The following NBAS variants were observed in gnomAD, a reference collection of about 807,000 sequenced individuals.
The protein encoded by NBAS is NAG/BC035112 fusion.
NBAS carries 219 observed loss-of-function variants against 302.5 expected under a neutral mutation model. The ratio of observed to expected loss-of-function variants is 0.72; its 90% CI spans 0.65 to 0.81. The LOEUF (loss-of-function observed/expected upper bound fraction) is 0.81, where lower values mean the gene tolerates loss of function less well. Ranked by LOEUF, NBAS falls within the 30% of genes least tolerant of loss-of-function variation. NBAS has a pLI of 0.00. For synonymous variants in NBAS, 1,118 were observed against 1,021.6 expected (o/e 1.09, Z -1.80); for missense variants, 2,932 against 2,841.6 (o/e 1.03, Z -0.72).
At chr2:14,831,211 AAAC>A in the NBAS span, among the ~76,000 whole-genome samples, 1 of 152,222 alleles carries the variant, frequency 6.6e-6, no homozygotes, top group African/African-American at 2.4e-5. Context: ...ATTGCATTTC[AAAC>A]ATCATGCCTT....
chr2:14,957,658 C>G, the NBAS span, among the ~76,000 whole-genome samples: 2 of 152,146 alleles, frequency 1.3e-5, no homozygotes, highest in African/African-American at 4.8e-5. Flanking sequence ...GCCAGGTGGC[C>G]TCCTCCTTGG....
chr2:15,024,542 C>T, the NBAS span, among the ~76,000 whole-genome samples: 1 of 152,154 alleles, frequency 6.6e-6, no homozygotes, highest in Non-Finnish European at 1.5e-5. Flanking sequence ...GGAATGGCCA[C>T]ATTGCTTTCC....
At chr2:15,066,618 AATC>A in the NBAS span, among the ~76,000 whole-genome samples, 1 of 152,196 alleles carries the variant, frequency 6.6e-6, no homozygotes, top group Non-Finnish European at 1.5e-5. Flanking sequence ...CGACATCACT[AATC>A]ATCAGGGAAA....
chr2:15,164,438 A>C (rs1663967520), downstream of NBAS, among the ~76,000 whole-genome samples: 1 of 152,230 alleles, frequency 6.6e-6, no homozygotes, highest in Non-Finnish European at 1.5e-5. Flanking sequence ...TTAGTAACTT[A>C]AGCATTATTA....
At chr2:15,262,941 G>A (rs1668916293) in intron 44 of NBAS, among the ~76,000 whole-genome samples, 1 of 152,158 alleles carries the variant, frequency 6.6e-6, no homozygotes, top group Admixed American at 6.5e-5. Flanking sequence ...GGCACATTCA[G>A]GAAAATACAG....
chr2:15,531,775 C>T (rs1663227097), intron 9 of NBAS, among the ~76,000 whole-genome samples: 2 of 152,266 alleles, frequency 1.3e-5, no homozygotes, highest in South Asian at 2.1e-4. Flanking sequence ...ATACTCTTCC[C>T]CCAGATACCT....
chr2:15,361,331 G>A (rs1372411711), intron 32 of NBAS, among the ~76,000 whole-genome samples: 1 of 152,088 alleles, frequency 6.6e-6, no homozygotes, highest in Non-Finnish European at 1.5e-5. Flanking sequence ...TGGCCAACAT[G>A]GTGAAATCCC....
chr2:14,860,784 G>T, the NBAS span, among the ~76,000 whole-genome samples: 3 of 152,250 alleles, frequency 2.0e-5, no homozygotes, highest in South Asian at 6.2e-4. Context: ...GATCAATAGG[G>T]TGAGTATAAT....
chr2:15,238,674 C>A lies in NBAS; in HGVS notation c.5737G>T (p.Ala1913Ser), dbSNP rs530483614. 3.8e-6 allele frequency: 6 copies of A among 1,572,234 alleles called. No homozygotes were observed. Among genetic ancestry groups the A allele is most frequent in the East Asian group, 2.3e-5 (1 of 43,384 alleles). The change falls in exon 45 of 52, where the codon GCC (alanine) becomes TCC (serine). Residue 1913 changes from alanine (A) to serine (S), a missense_variant. Transcript: ENST00000281513. ...GCCTTTCTAGTCATCTCTTTACGGGCTTCCACAGACAGCTTAAAAAAAAGA... is the reference window on the plus strand; with the variant it reads ...GCCTTTCTAGTCATCTCTTTACGGGATTCCACAGACAGCTTAAAAAAAAGA... ...PKAVTKLSVE[A>S]RKEMTRKAIK... is the part of the protein sequence containing the mutation.
intron 48 of NBAS, among the ~76,000 whole-genome samples, chr2:15,207,925 T>C (rs1204367457): frequency 1.3e-5 from 2 of 152,044 alleles, no homozygotes; most frequent in Non-Finnish European, 2.9e-5. Context: ...ACAAAAACTA[T>C]AAGAAGAAAC....
chr2:14,903,327 CAA>C, the NBAS span, among the ~76,000 whole-genome samples: 1,134 of 62,552 alleles, frequency 0.018, 10 homozygotes, highest in African/African-American at 0.056. Context: ...ATAAGCTTTG[CAA>C]AAAAAAAAAA....
chr2:15,222,138 A>T (rs1666973806), intron 47 of NBAS, among the ~76,000 whole-genome samples: 1 of 152,250 alleles, frequency 6.6e-6, no homozygotes, highest in African/African-American at 2.4e-5. Flanking sequence ...GCTTCAATTA[A>T]AAGCAACCAT....
chr2:15,115,385 T>G, the NBAS span, among the ~76,000 whole-genome samples: 1 of 152,250 alleles, frequency 6.6e-6, no homozygotes, highest in South Asian at 2.1e-4. Context: ...TAGGTAAATC[T>G]ACTTCATAAA....
chr2:15,188,738 G>C (rs1047647091), intron 49 of NBAS, among the ~76,000 whole-genome samples: 1 of 152,140 alleles, frequency 6.6e-6, no homozygotes, highest in African/African-American at 2.4e-5. Flanking sequence ...AGCTGATTTT[G>C]GTTCTTGAGA....
intron 27 of NBAS, among the ~76,000 whole-genome samples, chr2:15,395,550 A>G (rs1675826937): frequency 6.6e-6 from 1 of 152,130 alleles, no homozygotes; most frequent in Non-Finnish European, 1.5e-5. Flanking sequence ...TTAATTCTCT[A>G]TTAAACTCAC....
intron 6 of NBAS, among the ~76,000 whole-genome samples, chr2:15,543,604 T>C (rs1000270778): frequency 2.6e-5 from 4 of 152,148 alleles, no homozygotes; most frequent in African/African-American, 9.7e-5. Flanking sequence ...GCAAGACCCA[T>C]CGTGCATGGA....
the NBAS span, among the ~76,000 whole-genome samples, chr2:14,986,359 T>C: frequency 6.6e-6 from 1 of 152,122 alleles, no homozygotes; most frequent in Non-Finnish European, 1.5e-5. Flanking sequence ...AGATAAAGAA[T>C]ACACTTAACA....
chr2:14,807,454 AGTGTGTGTGT>A, the NBAS span, among the ~76,000 whole-genome samples: 2,015 of 147,318 alleles, frequency 0.014, 47 homozygotes, highest in African/African-American at 0.046. Flanking sequence ...TGTGTGTGTG[AGTGTGTGTGT>A]GTGTGTGTGT....
the NBAS span, among the ~76,000 whole-genome samples, chr2:15,038,458 T>C: frequency 6.6e-6 from 1 of 152,126 alleles, no homozygotes; most frequent in African/African-American, 2.4e-5. Flanking sequence ...GATTATTAGA[T>C]AAGAACCAAA....
Sources: allele counts gnomAD v4.1 joint callset (sites outside exome capture counted in the v4.1 genomes callset), GRCh38; gene constraint gnomAD v4.1.1; transcripts MANE v1.5; gene names NCBI Gene and HGNC (gene_info 2026-07-23, HGNC 2026-07-21).